ZDHHC23: variants seen among roughly 807,000 people sequenced by gnomAD.
ZDHHC23 encodes the protein palmitoyltransferase ZDHHC23.
ZDHHC23 carries 41 observed loss-of-function variants against 40.2 expected under a neutral mutation model. That is an observed-to-expected ratio of 1.02 (90% CI 0.79 to 1.32). The LOEUF is 1.32. Ranked by LOEUF, ZDHHC23 falls within the 40% of genes most tolerant of loss-of-function variation. The probability of loss-of-function intolerance (pLI) is 0.00; values close to 1 mark genes in which losing one functional copy is unlikely to be tolerated. For synonymous variants in ZDHHC23, 204 were observed against 210.2 expected (o/e 0.97, Z 0.26); for missense variants, 471 against 541.5 (o/e 0.87, Z 1.29).
intron 4 of ZDHHC23, chr3:113,957,734 C>A (rs760922642): frequency 3.9e-6 from 2 of 518,590 alleles, no homozygotes; most frequent in Non-Finnish European, 7.7e-6. Flanking sequence ...CATCAAATGG[C>A]AGAGGCTAAC....
downstream of ZDHHC23, among the ~76,000 whole-genome samples, chr3:113,966,790 T>C (rs1940218149): frequency 6.6e-6 from 1 of 151,820 alleles, no homozygotes; most frequent in African/African-American, 2.4e-5. Context: ...TTTTTGTTGG[T>C]GGAGGTACTG....
chr3:113,955,598 C>T (rs866519442), intron 3 of ZDHHC23, among the ~76,000 whole-genome samples: 7 of 152,156 alleles, frequency 4.6e-5, no homozygotes, highest in Non-Finnish European at 8.8e-5. Flanking sequence ...ATGTTTCTAA[C>T]CTCTTTGGAT....
rs930538187 is a variant in ZDHHC23, at chr3:113,962,334, G to C, written c.*3704G>C. On this transcript the variant is annotated 3_prime_UTR_variant, in exon 5 of 5. Transcript: ENST00000638807. ...GCATCCACGCTTCAGCTGGCACTAAGTGTTTTCATTGTAGGATCAGCAGCA... is the reference window on the plus strand; with the variant it reads ...GCATCCACGCTTCAGCTGGCACTAACTGTTTTCATTGTAGGATCAGCAGCA... The C allele has an allele frequency of 6.6e-6, 1 of 152,194 alleles. No individual in the cohort carries two copies. The highest frequency in any genetic ancestry group is 2.4e-5 in the African/African-American group (1 of 41,448). The allele number at this position is 152,194 out of a possible 1,614,324, so 9.4% of individuals were successfully genotyped here.
rs1382257984 is a variant in ZDHHC23 at position 113,954,224 on chromosome 3, T to C, written c.686T>C (p.Met229Thr). The C allele has an allele frequency of 6.2e-7, 1 of 1,614,152 alleles. No homozygotes were observed. Among genetic ancestry groups the C allele is most frequent in the African/African-American group, 1.3e-5 (1 of 75,030 alleles). The change falls in exon 3 of 5, where the codon ATG becomes ACG. Residue 229 changes from methionine to threonine, a missense_variant. By Grantham distance (81) the Met-to-Thr change is moderately conservative (BLOSUM62 -1). Around this residue, in one of 3 missense-constraint regions of ZDHHC23, gnomAD observed 346 missense variants for 399.8 expected, o/e 0.87. Coordinates refer to ENST00000638807, the MANE Select transcript of ZDHHC23 (RefSeq NM_001320466.2). ...ACCAAAGGGTTCCCTGGGGCAGACA[T>C]GTCGGGCAGTCTCAACAATCGCACA... is the stretch of plus-strand genomic sequence containing the variant. The part of the protein sequence containing the change: ...EKTKGFPGAD[M>T]SGSLNNRTTK...
Position 113,959,617 on chromosome 3 carries a change from A to G in ZDHHC23, c.*987A>G. 8.4e-7 allele frequency: 1 copy of G among 1,194,690 alleles called. No individual in the cohort carries two copies. The highest frequency in any genetic ancestry group is 1.1e-6 in the Non-Finnish European group (1 of 922,364). 74.0% of individuals were successfully genotyped at this position (1,194,690 alleles called of 1,614,324 possible). On this transcript the variant is annotated 3_prime_UTR_variant, in exon 5 of 5. Transcript: ENST00000638807. The stretch of plus-strand genomic sequence containing the variant: ...TCTTTTCTGGTAGGAAGGCTGAGTA[A>G]CATCACGGGCTCGATTATTTTCTTC...
downstream of ZDHHC23, among the ~76,000 whole-genome samples, chr3:113,967,469 A>T (rs1940322419): frequency 3.3e-5 from 5 of 151,864 alleles, no homozygotes. Context: ...CTGGTTTGGC[A>T]CTTATTTATA....
rs1939511667 is a variant in ZDHHC23 at position 113,959,226 on chromosome 3, T to C, written c.*596T>C. On this transcript the variant is annotated 3_prime_UTR_variant, in exon 5 of 5. Transcript: ENST00000638807. ...TCTAGAATATTGAAGCCAATATTAT[T>C]AGGGTAATCAGTTTTCAGCATATAC... is the stretch of plus-strand genomic sequence containing the variant. 9.4e-7 allele frequency: 1 copy of C among 1,067,664 alleles called. No individual in the cohort carries two copies. The highest frequency in any genetic ancestry group is 3.0e-5 in the South Asian group (1 of 32,958). The allele number at this position is 1,067,664 out of a possible 1,614,324, so 66.1% of individuals were successfully genotyped here. A position where few individuals can be genotyped will look rare whatever the true frequency, so the allele number is the denominator to read the frequency against.
At position 113,960,871 on chromosome 3, in the gene ZDHHC23, G is replaced by A; in HGVS notation, c.*2241G>A. 2 of 1,358,282 alleles carry A rather than the reference G, an allele frequency of 1.5e-6. No homozygotes were observed. Among genetic ancestry groups the A allele is most frequent in the Non-Finnish European group, 1.9e-6 (2 of 1,029,184 alleles). 84.1% of individuals were successfully genotyped at this position (1,358,282 alleles called of 1,614,324 possible). The stretch of plus-strand genomic sequence containing the variant: ...AGAATGCTTAAACCTGTCAAAAGAT[G>A]AGTGATCTTGTGTGGGAAAAGCCTT... On this transcript the variant is annotated 3_prime_UTR_variant, in exon 5 of 5. Coordinates refer to ENST00000638807, the MANE Select transcript of ZDHHC23 (RefSeq NM_001320466.2).
chr3:113,955,516 T>C (rs562717630), intron 3 of ZDHHC23, among the ~76,000 whole-genome samples: 1 of 152,254 alleles, frequency 6.6e-6, no homozygotes, highest in South Asian at 2.1e-4. Context: ...GCCCCACAAA[T>C]GGCCATGACA....
Position 113,960,576 on chromosome 3 carries a change from GT to G in ZDHHC23, c.*1947del. On this transcript the variant is annotated 3_prime_UTR_variant, in exon 5 of 5. Transcript: ENST00000638807. Reference sequence around the variant, plus strand: ...ATCATACAAATTGATAGAAACATTAGTCAGTAATTTTAGCTTCTTGCCAAAT... The same window carrying G: ...ATCATACAAATTGATAGAAACATTAGCAGTAATTTTAGCTTCTTGCCAAAT... 6.6e-7 allele frequency: 1 copy of G among 1,510,434 alleles called. No individual in the cohort carries two copies. Among genetic ancestry groups the G allele is most frequent in the East Asian group, 2.5e-5 (1 of 39,672 alleles). The allele number at this position is 1,510,434 out of a possible 1,614,324, so 93.6% of individuals were successfully genotyped here.
At chr3:113,978,229 C>T in the ZDHHC23 span, 34 of 1,613,904 alleles carry the variant, frequency 2.1e-5, no homozygotes, top group East Asian at 2.2e-5. Flanking sequence ...CCCTGAGAAT[C>T]GATCTTCACC....
chr3:113,949,571 A>C (rs1232443830), intron 2 of ZDHHC23, among the ~76,000 whole-genome samples: 1 of 152,258 alleles, frequency 6.6e-6, no homozygotes, highest in Non-Finnish European at 1.5e-5. Flanking sequence ...CTATCCAAAA[A>C]GAGAATTTTT....
rs201014416 is a variant in ZDHHC23 at position 113,948,840 on chromosome 3, A to G, written c.38A>G (p.Lys13Arg). The G allele has an allele frequency of 1.6e-5, 26 of 1,614,210 alleles. No homozygotes were observed. The Admixed American group carries it at 2.8e-4, about 18-fold the overall frequency. ...QKGSMKPVKK[K>R]KTEEPELEPL... Reference sequence around the variant, plus strand: ...GGCAGTATGAAGCCTGTGAAGAAAAAGAAAACCGAAGAACCTGAATTGGAG... The same window carrying G: ...GGCAGTATGAAGCCTGTGAAGAAAAGGAAAACCGAAGAACCTGAATTGGAG... Residue 13 changes from lysine to arginine, a missense_variant, in exon 2 of 5, where the codon AAG becomes AGG. This residue lies in a region of ZDHHC23 where 83 missense variants were observed against 67.8 expected (regional missense o/e 1.22). Transcript: ENST00000638807.
the ZDHHC23 span, among the ~76,000 whole-genome samples, chr3:113,976,790 C>CT: frequency 3.9e-5 from 6 of 152,096 alleles, no homozygotes; most frequent in Non-Finnish European, 7.4e-5. Flanking sequence ...AACAGGGAGG[C>CT]TTTGAAAGGT....
chr3:113,970,858 G>A, the ZDHHC23 span, among the ~76,000 whole-genome samples: 1 of 152,052 alleles, frequency 6.6e-6, no homozygotes, highest in Non-Finnish European at 1.5e-5. Context: ...GAGAATGACG[G>A]TTTCCAGCTT....
At chr3:113,975,386 T>C in the ZDHHC23 span, among the ~76,000 whole-genome samples, 2 of 152,220 alleles carry the variant, frequency 1.3e-5, no homozygotes, top group African/African-American at 2.4e-5. Flanking sequence ...TCATATAAAA[T>C]TGAATATGAA....
the ZDHHC23 span, among the ~76,000 whole-genome samples, chr3:113,977,814 G>A: frequency 7.9e-5 from 12 of 152,188 alleles, no homozygotes; most frequent in East Asian, 1.9e-4. Flanking sequence ...TATATTTGTC[G>A]TACATTTCAC....
intron 2 of ZDHHC23, among the ~76,000 whole-genome samples, chr3:113,951,161 C>T (rs1025188053): frequency 4.6e-5 from 7 of 152,242 alleles, no homozygotes; most frequent in East Asian, 1.9e-4. Flanking sequence ...CTCTACGGGG[C>T]TCTTGGGGGT....
chr3:113,948,487 G>C (rs1938330610), intron 1 of ZDHHC23, 199 bp from the exon 2 acceptor site: 1 of 291,734 alleles, frequency 3.4e-6, no homozygotes, highest in South Asian at 6.1e-5. Context: ...CCGCGCCCCG[G>C]CTGTCCCGGA....
Sources: gnomAD v4.1 joint callset for allele counts (sites outside exome capture counted in the v4.1 genomes callset) on GRCh38, gnomAD v4.1.1 for gene constraint, gnomAD v4.1.1 regional missense constraint, MANE v1.5 for transcripts, NCBI Gene and HGNC (gene_info 2026-07-23, HGNC 2026-07-21) for gene names.